Variants in IL31RA observed in about 807,000 individuals in gnomAD.
The protein encoded by IL31RA is interleukin-31 receptor subunit alpha.
IL31RA carries 66 observed loss-of-function variants against 83.7 expected under a neutral mutation model. That is an observed-to-expected ratio of 0.79 (90% CI 0.65 to 0.97). The LOEUF is 0.97. Ranked by LOEUF, IL31RA falls within the 50% of genes least tolerant of loss-of-function variation. The pLI is 0.00. For synonymous variants in IL31RA, 325 were observed against 329.0 expected, an observed-to-expected ratio of 0.99 and a Z score of 0.13; for missense variants, 798 against 919.4, an observed-to-expected ratio of 0.87 and a Z score of 1.71.
At chr5:55,869,685 G>A (rs771896982) in intron 3 of IL31RA, among the ~76,000 whole-genome samples, 1 of 152,096 alleles carries the variant, frequency 6.6e-6, no homozygotes, top group Non-Finnish European at 1.5e-5. Flanking sequence ...TGTTGGCCAG[G>A]CTGGTCTCGA....
chr5:55,922,058 G>GC lies in IL31RA; in HGVS notation c.*4938_*4939insC, dbSNP rs993743468. On this transcript the variant is annotated 3_prime_UTR_variant, in exon 15 of 15. Transcript: ENST00000652347. Reference sequence around the variant, plus strand: ...TCTTGCACTCTTATGTTGTGGCGGGGGGGGGGGGCGGTTCCTGAAGAGTGG... The same window carrying GC: ...TCTTGCACTCTTATGTTGTGGCGGGGCGGGGGGGGCGGTTCCTGAAGAGTGG... Among the ~76,000 whole-genome samples the GC allele has an allele frequency of 4.8e-5, 7 of 146,382 alleles. 2 individuals are homozygous for GC. The highest frequency in any genetic ancestry group is 2.0e-4 in the Admixed American group (3 of 14,842).
chr5:55,877,968 GGTTGGCTTGATCCT>G (rs1746964813), intron 4 of IL31RA, among the ~76,000 whole-genome samples: 1 of 152,016 alleles, frequency 6.6e-6, no homozygotes, highest in Non-Finnish European at 1.5e-5. Flanking sequence ...TGTGTTTATT[GGTTGGCTTGATCCT>G]GTTCCACAGC....
intron 4 of IL31RA, among the ~76,000 whole-genome samples, chr5:55,878,463 G>GCTACCT (rs1746996243): frequency 6.6e-6 from 1 of 152,162 alleles, no homozygotes; most frequent in Non-Finnish European, 1.5e-5. Context: ...GGAAAAAACA[G>GCTACCT]CTACCTCTCC....
At chr5:55,900,271 C>T in intron 8 of IL31RA, 139 bp downstream of exon 8, 1 of 718,820 alleles carries the variant, frequency 1.4e-6, no homozygotes, top group Non-Finnish European at 2.5e-6. Flanking sequence ...TGTGGTGAAG[C>T]AATGAGAATT....
intron 9 of IL31RA, 63 bp downstream of exon 9, chr5:55,906,351 T>G (rs1749156097): frequency 1.3e-6 from 2 of 1,502,950 alleles, no homozygotes; most frequent in Non-Finnish European, 1.8e-6. Flanking sequence ...TCATCCATTT[T>G]TAGATCTTTA....
chr5:55,880,413 C>T (rs1747133492), intron 4 of IL31RA, among the ~76,000 whole-genome samples: 1 of 152,044 alleles, frequency 6.6e-6, no homozygotes, highest in South Asian at 2.1e-4. Flanking sequence ...CATTGCATGC[C>T]TGTATCAAAA....
At position 55,859,568 on chromosome 5, in the gene IL31RA, G is replaced by A. The variant is rs750178343; in HGVS notation, c.123G>A (p.Met41Ile). Reference sequence around the variant, plus strand: ...TGATGTGGACCTGGGCACTGTGGATGCTCCCCTCACTCTGCAAATTCAGCC... The same window carrying A: ...TGATGTGGACCTGGGCACTGTGGATACTCCCCTCACTCTGCAAATTCAGCC... ...LGMMWTWALW[M>I]LPSLCKFSLA... The change falls in exon 2 of 15, where the codon ATG (methionine) becomes ATA (isoleucine). Residue 41 changes from methionine (M) to isoleucine (I), a missense_variant. Transcript: ENST00000652347. 6 of 1,612,772 alleles carry A rather than the reference G, an allele frequency of 3.7e-6. No individual in the cohort carries two copies. The highest frequency in any genetic ancestry group is 4.2e-6 in the Non-Finnish European group (5 of 1,178,952).
At chr5:55,848,753 TG>T (rs979613394), upstream of IL31RA, among the ~76,000 whole-genome samples, 10 of 152,250 alleles carry the variant, frequency 6.6e-5, no homozygotes, top group Non-Finnish European at 1.3e-4. Flanking sequence ...AGGTGTGAGA[TG>T]GGGGGGCTGC....
intron 2 of IL31RA, among the ~76,000 whole-genome samples, chr5:55,867,121 GTT>G (rs1404982707): frequency 1.3e-4 from 17 of 133,374 alleles, no homozygotes; most frequent in African/African-American, 3.8e-4. Flanking sequence ...GCATGTGTGT[GTT>G]TGTGTGTGTG....
intron 7 of IL31RA, among the ~76,000 whole-genome samples, chr5:55,898,795 A>G (rs757860862): frequency 2.0e-5 from 3 of 152,136 alleles, no homozygotes; most frequent in Non-Finnish European, 4.4e-5. Context: ...AGGCCAAGGC[A>G]TGGGGATCAC....
chr5:55,901,586 CATT>C (rs58572654), intron 8 of IL31RA, among the ~76,000 whole-genome samples: 38,428 of 144,602 alleles, frequency 0.27, 5,462 homozygotes, highest in East Asian at 0.48. Flanking sequence ...TTACTATTGT[CATT>C]ATTATTATTA....
intron 4 of IL31RA, among the ~76,000 whole-genome samples, chr5:55,880,693 A>G (rs1747156319): frequency 6.6e-6 from 1 of 152,152 alleles, no homozygotes; most frequent in African/African-American, 2.4e-5. Flanking sequence ...GTCTAGGGAA[A>G]CCACCAGAGA....
chr5:55,908,480 G>A (rs771985867), intron 11 of IL31RA, 69 bp downstream of exon 11: 2 of 1,613,948 alleles, frequency 1.2e-6, no homozygotes, highest in South Asian at 1.1e-5. Flanking sequence ...TAGACCTGTT[G>A]TAGGCATGGC....
At chr5:55,847,239 A>AATG (rs1554083144), upstream of IL31RA, among the ~76,000 whole-genome samples, 3 of 17,378 alleles carry the variant, frequency 1.7e-4, no homozygotes, top group African/African-American at 4.6e-4. Context: ...AAAAAAAAAA[A>AATG]AATAAAAATA....
At chr5:55,857,036 T>C (rs1745402432) in intron 1 of IL31RA, among the ~76,000 whole-genome samples, 1 of 152,038 alleles carries the variant, frequency 6.6e-6, no homozygotes, top group Non-Finnish European at 1.5e-5. Flanking sequence ...ATAACCAGGA[T>C]CACCTTGAAC....
intron 2 of IL31RA, among the ~76,000 whole-genome samples, chr5:55,860,098 G>A (rs1221097523): frequency 6.6e-6 from 1 of 152,252 alleles, no homozygotes; most frequent in Admixed American, 6.5e-5. Flanking sequence ...GTCTGGCACA[G>A]TGGCTCATGC....
At position 55,899,926 on chromosome 5, in the gene IL31RA, G is replaced by A. The variant is rs766181170; in HGVS notation, c.863G>A (p.Gly288Glu). 1.2e-6 allele frequency: 2 copies of A among 1,613,870 alleles called. No homozygotes were observed. The highest frequency in any genetic ancestry group is 2.2e-5 in the South Asian group (2 of 91,070). ...TTTCTTTGGGTTCAGAAGGCAAGAG[G>A]AGCCCCAGTCCTAGAGAAAACACTT... ...PVRLLWKKAR[G>E]APVLEKTLGY... Residue 288 changes from glycine (G) to glutamate (E), a missense_variant, in exon 8 of 15, where the codon GGA becomes GAA. Physicochemically the swap from Gly to Glu is moderately conservative, Grantham distance 98. Coordinates refer to ENST00000652347, the MANE Select transcript of IL31RA (RefSeq NM_139017.7).
At chr5:55,849,216 C>T (rs78975484), upstream of IL31RA, among the ~76,000 whole-genome samples, 1 of 146,406 alleles carries the variant, frequency 6.8e-6, no homozygotes, top group African/African-American at 2.5e-5. Context: ...TTTCTTTTAG[C>T]TTTTTTTTTT....
chr5:55,871,350 A>G (rs903011939), intron 3 of IL31RA, among the ~76,000 whole-genome samples: 15 of 152,162 alleles, frequency 9.9e-5, no homozygotes, highest in Non-Finnish European at 1.6e-4. Flanking sequence ...TTCCATGTGT[A>G]TATGTCTTCC....
Sources: allele counts gnomAD v4.1 joint callset (sites outside exome capture counted in the v4.1 genomes callset), GRCh38; gene constraint gnomAD v4.1.1; transcripts MANE v1.5; gene names NCBI Gene and HGNC (gene_info 2026-07-23, HGNC 2026-07-21).